ARHGAP22: variants seen among roughly 807,000 people sequenced by gnomAD.
ARHGAP22 encodes Rho GTPase activating protein 22.
Under a neutral mutation model 59.1 loss-of-function variants are expected in ARHGAP22, and 48 were observed. The observed-to-expected ratio is 0.81, with a 90% confidence interval of 0.64 to 1.03. The LOEUF (loss-of-function observed/expected upper bound fraction) is 1.03, where lower values mean the gene tolerates loss of function less well. ARHGAP22 is among the 50% of genes least tolerant of loss of function. The pLI, the probability that ARHGAP22 is intolerant of heterozygous loss-of-function variation, is 0.00. For synonymous variants in ARHGAP22, 445 were observed against 416.4 expected, an observed-to-expected ratio of 1.07 and a Z score of -0.84; for missense variants, 1,015 against 958.7, an observed-to-expected ratio of 1.06 and a Z score of -0.78.
chr10:48,498,038 G>A (rs2051122892), intron 3 of ARHGAP22, among the ~76,000 whole-genome samples: 1 of 152,114 alleles, frequency 6.6e-6, no homozygotes, highest in Admixed American at 6.5e-5. Flanking sequence ...TGCTGTGTGT[G>A]TACTCCAGAG....
At chr10:48,625,214 T>A (rs2061408808) in intron 1 of ARHGAP22, 2 of 152,298 alleles carry the variant, frequency 1.3e-5, no homozygotes, top group East Asian at 3.9e-4. Context: ...GATCATGAGC[T>A]CCCTTCCCTT....
intron 9 of ARHGAP22, 146 bp downstream of exon 9, chr10:48,450,115 T>C (rs181735802): frequency 8.1e-7 from 1 of 1,235,768 alleles, no homozygotes; most frequent in African/African-American, 1.5e-5. Flanking sequence ...GTCCTAGGGC[T>C]TTCCCAGAGC....
At chr10:48,606,894 A>T (rs562617631), upstream of ARHGAP22, among the ~76,000 whole-genome samples, 10 of 152,322 alleles carry the variant, frequency 6.6e-5, no homozygotes, top group South Asian at 2.1e-3. Context: ...GACTCAGGCC[A>T]GAAGCCTCAC....
intron 3 of ARHGAP22, among the ~76,000 whole-genome samples, chr10:48,494,685 C>T (rs1324588140): frequency 1.3e-5 from 2 of 152,192 alleles, no homozygotes; most frequent in Non-Finnish European, 1.5e-5. Flanking sequence ...GAAAAGCAGC[C>T]CCTTAAGGGC....
chr10:48,436,865 T>G, the ARHGAP22 span: 3 of 152,212 alleles, frequency 2.0e-5, no homozygotes, highest in Non-Finnish European at 4.4e-5. Context: ...CTAAGACACT[T>G]CTTGAATTGT....
At chr10:48,641,966 T>A (rs113970397) in intron 1 of ARHGAP22, among the ~76,000 whole-genome samples, 84,773 of 151,950 alleles carry the variant, frequency 0.56, 24,312 homozygotes, top group African/African-American at 0.68. Flanking sequence ...GAGCCAAATC[T>A]TGAGTGAACT....
At chr10:48,600,633 C>T (rs757000540) in intron 1 of ARHGAP22, among the ~76,000 whole-genome samples, 10 of 152,116 alleles carry the variant, frequency 6.6e-5, no homozygotes, top group Non-Finnish European at 1.0e-4. Context: ...TTTATTTCCT[C>T]GAATCAGGTT....
chr10:48,642,531 C>A (rs1358707540), intron 1 of ARHGAP22, among the ~76,000 whole-genome samples: 4 of 152,094 alleles, frequency 2.6e-5, no homozygotes, highest in Non-Finnish European at 5.9e-5. Context: ...AACTGGCTAG[C>A]CATATGTAGA....
rs935292 is a variant in ARHGAP22 at position 48,578,138 on chromosome 10, C to G, written c.234+4815G>C. Among the ~76,000 whole-genome samples, 384 of 152,188 alleles carry G rather than the reference C, an allele frequency of 2.5e-3. 8 individuals carry two copies. The highest frequency in any genetic ancestry group is 0.02 in the Admixed American group (304 of 15,278). On this transcript the variant is annotated intron_variant, in intron 2 of 9. Coordinates refer to ENST00000249601, the MANE Select transcript of ARHGAP22 (RefSeq NM_021226.4). Reference sequence around the variant, plus strand: ...CTGCTTTTTTTTAAGTTAACCTTCACCCAGTGCTCCTGTCCTGAGCTCCTT... The same window carrying G: ...CTGCTTTTTTTTAAGTTAACCTTCAGCCAGTGCTCCTGTCCTGAGCTCCTT...
At chr10:48,635,870 G>T (rs2061795965) in intron 1 of ARHGAP22, among the ~76,000 whole-genome samples, 1 of 152,186 alleles carries the variant, frequency 6.6e-6, no homozygotes, top group African/African-American at 2.4e-5. Flanking sequence ...TGGAAGGACT[G>T]CACTTTTGAG....
chr10:48,481,098 CG>C (rs1219976994), intron 3 of ARHGAP22, among the ~76,000 whole-genome samples: 1 of 152,216 alleles, frequency 6.6e-6, no homozygotes, highest in African/African-American at 2.4e-5. Context: ...CCCTGCTCGC[CG>C]GGGCTCAGGC....
intron 1 of ARHGAP22, among the ~76,000 whole-genome samples, chr10:48,614,676 A>G (rs1171362489): frequency 6.6e-6 from 1 of 152,230 alleles, no homozygotes; most frequent in East Asian, 1.9e-4. Context: ...ATGCTTAATC[A>G]GGAAAACCCA....
intron 3 of ARHGAP22, among the ~76,000 whole-genome samples, chr10:48,551,028 AGATAGGGGTT>A (rs2056854736): frequency 6.6e-6 from 1 of 152,140 alleles, no homozygotes. Flanking sequence ...GTGCTGGCAT[AGATAGGGGTT>A]GCTTCTCCTA....
chr10:48,654,843 TC>T (rs2062710711), upstream of ARHGAP22, among the ~76,000 whole-genome samples: 2 of 145,616 alleles, frequency 1.4e-5, no homozygotes, highest in African/African-American at 5.2e-5. Flanking sequence ...CCTTCCTTCC[TC>T]TCTCTTTTCT....
intron 2 of ARHGAP22, among the ~76,000 whole-genome samples, chr10:48,577,790 G>GCTCTTTTACTA (rs1224313872): frequency 5.1e-5 from 6 of 117,192 alleles, no homozygotes; most frequent in South Asian, 3.5e-4. Flanking sequence ...AGATCTAACT[G>GCTCTTTTACTA]CTCTTTTTTG....
intron 4 of ARHGAP22, among the ~76,000 whole-genome samples, chr10:48,464,774 A>T (rs1265662148): frequency 6.6e-6 from 1 of 152,122 alleles, no homozygotes; most frequent in Non-Finnish European, 1.5e-5. Context: ...CCATCTATGA[A>T]ATCTATAAAA....
At chr10:48,578,919 GT>G (rs1211957139) in intron 2 of ARHGAP22, among the ~76,000 whole-genome samples, 1 of 148,462 alleles carries the variant, frequency 6.7e-6, no homozygotes, top group African/African-American at 2.5e-5. Flanking sequence ...TTTTTTTTCC[GT>G]TCTTTTGCTT....
At chr10:48,576,741 CA>C (rs1194518605) in intron 2 of ARHGAP22, among the ~76,000 whole-genome samples, 4 of 148,730 alleles carry the variant, frequency 2.7e-5, no homozygotes, top group African/African-American at 9.7e-5. Flanking sequence ...TCTATGGTCT[CA>C]GATGAGGTTT....
Position 48,569,959 on chromosome 10 carries a change from G to T in ARHGAP22, c.234+12994C>A, listed in dbSNP as rs552019002. Among the ~76,000 whole-genome samples, 3 of 152,194 alleles carry T rather than the reference G, an allele frequency of 2.0e-5. No individual in the cohort carries two copies. The South Asian group carries it at 6.2e-4, about 32-fold the overall frequency. ...ACATTGCTGATGCTGTCATTTCAGGGGCCTGCTCTCAGAACCCTGCAGGAT... is the reference window on the plus strand; with the variant it reads ...ACATTGCTGATGCTGTCATTTCAGGTGCCTGCTCTCAGAACCCTGCAGGAT... On this transcript the variant is annotated intron_variant, in intron 2 of 9. Transcript: ENST00000249601.
Sources: gnomAD v4.1 joint callset for allele counts (sites outside exome capture counted in the v4.1 genomes callset) on GRCh38, gnomAD v4.1.1 for gene constraint, MANE v1.5 for transcripts, NCBI Gene and HGNC (gene_info 2026-07-23, HGNC 2026-07-21) for gene names.